The following EPC2 variants were observed in gnomAD, a reference collection of about 807,000 sequenced individuals.
The protein encoded by EPC2 is enhancer of polycomb homolog 2.
EPC2 carries 14 observed loss-of-function variants against 92.1 expected under a neutral mutation model. That is an observed-to-expected ratio of 0.15 (90% CI 0.10 to 0.24). The LOEUF is 0.24. EPC2 is among the 10% of genes least tolerant of loss of function. EPC2 has a pLI of 1.00. For missense variants in EPC2, 755 were observed against 971.5 expected, an observed-to-expected ratio of 0.78 and a Z score of 2.96; for synonymous variants, 340 against 334.7, an observed-to-expected ratio of 1.02 and a Z score of -0.17.
At chr2:148,675,723 C>G (rs1364573349) in intron 1 of EPC2, among the ~76,000 whole-genome samples, 8 of 152,178 alleles carry the variant, frequency 5.3e-5, no homozygotes, top group Non-Finnish European at 8.8e-5. Context: ...TTTTACGGCA[C>G]TCTTGTGCTG....
intron 12 of EPC2, among the ~76,000 whole-genome samples, chr2:148,784,237 CAA>C (rs371593015): frequency 1.2e-4 from 19 of 152,290 alleles, no homozygotes; most frequent in African/African-American, 4.6e-4. Flanking sequence ...CCTGAGTCCG[CAA>C]AGACTTGTTA....
chr2:148,770,123 C>A (rs564937391), intron 8 of EPC2, among the ~76,000 whole-genome samples: 22 of 152,274 alleles, frequency 1.4e-4, no homozygotes, highest in African/African-American at 5.3e-4. Context: ...ATACAGTTCA[C>A]CGTAACTTCA....
intron 2 of EPC2, 29 bp from the exon 3 acceptor site, chr2:148,743,593 A>AC: frequency 6.7e-7 from 1 of 1,493,376 alleles, no homozygotes; most frequent in Admixed American, 2.6e-5. Context: ...ATTTCTCCTG[A>AC]GTTTGAAGAA....
intron 2 of EPC2, among the ~76,000 whole-genome samples, chr2:148,718,177 G>C (rs1205719491): frequency 2.0e-5 from 3 of 152,116 alleles, no homozygotes; most frequent in Non-Finnish European, 4.4e-5. Flanking sequence ...CGTAGCAATG[G>C]GTCTTGATTC....
At chr2:148,726,510 G>A (rs1181921534) in intron 2 of EPC2, among the ~76,000 whole-genome samples, 1 of 152,040 alleles carries the variant, frequency 6.6e-6, no homozygotes, top group Non-Finnish European at 1.5e-5. Flanking sequence ...CTAACAGGTA[G>A]GAGTTGATGT....
At chr2:148,713,185 A>G (rs771611354) in intron 2 of EPC2, among the ~76,000 whole-genome samples, 1 of 152,174 alleles carries the variant, frequency 6.6e-6, no homozygotes, top group Non-Finnish European at 1.5e-5. Flanking sequence ...CCTTCAGGAG[A>G]TATTTCAGAA....
chr2:148,646,886 C>T (rs951896834), intron 1 of EPC2, among the ~76,000 whole-genome samples: 2 of 151,976 alleles, frequency 1.3e-5, no homozygotes, highest in East Asian at 1.9e-4. Context: ...CCGAGGTGGG[C>T]GGATCATGAG....
At chr2:148,653,309 C>A (rs2105350538) in intron 1 of EPC2, among the ~76,000 whole-genome samples, 1 of 152,294 alleles carries the variant, frequency 6.6e-6, no homozygotes, top group East Asian at 1.9e-4. Flanking sequence ...AGTAGAAAAA[C>A]AGTAATGGGT....
intron 11 of EPC2, among the ~76,000 whole-genome samples, 174 bp downstream of exon 11, chr2:148,781,954 C>T (rs1683758256): frequency 6.6e-6 from 1 of 152,072 alleles, no homozygotes; most frequent in Non-Finnish European, 1.5e-5. Context: ...AGCTTATAAA[C>T]TAATCTCTTA....
intron 1 of EPC2, among the ~76,000 whole-genome samples, chr2:148,683,272 A>G (rs977243487): frequency 7.1e-6 from 1 of 139,892 alleles, no homozygotes; most frequent in African/African-American, 2.6e-5. Context: ...CCATTATATC[A>G]TTTTTTTTTT....
At chr2:148,768,086 G>A (rs1267600632) in intron 7 of EPC2, among the ~76,000 whole-genome samples, 1 of 152,084 alleles carries the variant, frequency 6.6e-6, no homozygotes, top group Non-Finnish European at 1.5e-5. Flanking sequence ...CCTGCTCAGT[G>A]GTAATTACCA....
At position 148,753,962 on chromosome 2, in the gene EPC2, C is replaced by T. The variant is rs368496396; in HGVS notation, c.495C>T (p.Asn165=). The T allele has an allele frequency of 8.1e-6, 13 of 1,611,514 alleles. No individual in the cohort carries two copies. The highest frequency in any genetic ancestry group is 1.6e-4 in the Middle Eastern group (1 of 6,078). Reference sequence around the variant, plus strand: ...TTCAAGAAGCAAAACTGCTGCTAAACGAAGATGATTACCTTATTAAAGCTG... The same window carrying T: ...TTCAAGAAGCAAAACTGCTGCTAAATGAAGATGATTACCTTATTAAAGCTG... ...VTLQEAKLLL[N]EDDYLIKAVY... The change falls in exon 4 of 14, where the codon AAC becomes AAT. Residue 165 remains asparagine, a synonymous_variant. Coordinates refer to ENST00000258484, the MANE Select transcript of EPC2 (RefSeq NM_015630.4).
In EPC2 at chr2:148,663,662, G is replaced by T. The variant is rs896931001; in HGVS notation, c.153+18492G>T. Among the ~76,000 whole-genome samples the T allele has an allele frequency of 4.3e-5, 5 of 115,354 alleles. No individual in the cohort carries two copies. In the Admixed American group the frequency reaches 5.3e-4, roughly 12 times the overall value. The allele number at this position is 115,354 out of a possible 152,430, so 75.7% of individuals were successfully genotyped here. A position where few individuals can be genotyped will look rare whatever the true frequency, so the allele number is the denominator to read the frequency against. ...ACCACTGAAGCCTGGATCATCACTGGCTTTCTTATTCACTCTATAGCAGTA... is the reference window on the plus strand; with the variant it reads ...ACCACTGAAGCCTGGATCATCACTGTCTTTCTTATTCACTCTATAGCAGTA... On this transcript the variant is annotated intron_variant, in intron 1 of 13. Coordinates refer to ENST00000258484, the MANE Select transcript of EPC2 (RefSeq NM_015630.4).
intron 1 of EPC2, among the ~76,000 whole-genome samples, chr2:148,673,286 TTCTC>T (rs750141484): frequency 4.4e-4 from 67 of 152,196 alleles, no homozygotes; most frequent in Non-Finnish European, 3.2e-4. Context: ...TCTCTGTCCC[TTCTC>T]TCTCTAACCT....
intron 3 of EPC2, among the ~76,000 whole-genome samples, chr2:148,746,384 A>G (rs1682985112): frequency 6.6e-6 from 1 of 151,990 alleles, no homozygotes; most frequent in South Asian, 2.1e-4. Flanking sequence ...GTAACTCCCA[A>G]ACTCAGATCC....
In EPC2 at chr2:148,784,701, C is replaced by T. The variant is rs1683829240; in HGVS notation, c.2051C>T (p.Ala684Val). 2.5e-6 allele frequency: 4 copies of T among 1,612,320 alleles called. No individual in the cohort carries two copies. In the South Asian group the frequency reaches 4.4e-5, roughly 18 times the overall value. ...AAAACATTATACTCCACCAATATGG[C>T]TTTATCATCCAGCCCAGGGATTTCA... ...TSKTLYSTNM[A>V]LSSSPGISAV... The change falls in exon 13 of 14, where the codon GCT (alanine) becomes GTT (valine). Residue 684 changes from alanine (A) to valine (V), a missense_variant. This residue lies in a region of EPC2 where 207 missense variants were observed against 260.5 expected (regional missense o/e 0.79). Coordinates refer to ENST00000258484, the MANE Select transcript of EPC2 (RefSeq NM_015630.4).
At chr2:148,731,186 A>G (rs1228654759) in intron 2 of EPC2, among the ~76,000 whole-genome samples, 2 of 152,136 alleles carry the variant, frequency 1.3e-5, no homozygotes, top group Non-Finnish European at 2.9e-5. Flanking sequence ...GATTCATTGG[A>G]GTGGTAAAAA....
chr2:148,659,957 G>T (rs1680899157), intron 1 of EPC2, among the ~76,000 whole-genome samples: 1 of 152,018 alleles, frequency 6.6e-6, no homozygotes, highest in Admixed American at 6.6e-5. Flanking sequence ...TGAAACCCCA[G>T]ATTGTTTACA....
intron 2 of EPC2, among the ~76,000 whole-genome samples, chr2:148,710,880 A>G (rs558654543): frequency 5.7e-4 from 87 of 152,214 alleles, no homozygotes; most frequent in African/African-American, 2.1e-3. Context: ...TGGCATTAGG[A>G]GATACACTTA....
Sources: gnomAD v4.1 joint callset for allele counts (sites outside exome capture counted in the v4.1 genomes callset) on GRCh38, gnomAD v4.1.1 for gene constraint, gnomAD v4.1.1 regional missense constraint, MANE v1.5 for transcripts, NCBI Gene and HGNC (gene_info 2026-07-23, HGNC 2026-07-21) for gene names.